Variants in CORO1C observed in about 807,000 individuals in gnomAD.
CORO1C encodes coronin 1C, also known as coronin-1C.
A neutral mutation model predicts 51.2 loss-of-function variants in CORO1C; 14 were observed. The ratio of observed to expected loss-of-function variants is 0.27; its 90% CI spans 0.18 to 0.43. The LOEUF (loss-of-function observed/expected upper bound fraction) is 0.43, where lower values mean the gene tolerates loss of function less well. CORO1C is among the 20% of genes least tolerant of loss of function. CORO1C has a pLI of 1.00. For missense variants in CORO1C, 417 were observed against 607.8 expected, an observed-to-expected ratio of 0.69 and a Z score of 3.30; for synonymous variants, 181 against 210.5, an observed-to-expected ratio of 0.86 and a Z score of 1.21.
chr12:108,683,418 C>CA (rs372937354), intron 2 of CORO1C, among the ~76,000 whole-genome samples: 14,039 of 84,152 alleles, frequency 0.17, 1,143 homozygotes, highest in African/African-American at 0.28. Context: ...GACTCTGTCT[C>CA]AAAAAAAAAA....
intron 3 of CORO1C, among the ~76,000 whole-genome samples, chr12:108,667,148 T>C (rs1369537342): frequency 6.6e-6 from 1 of 152,134 alleles, no homozygotes; most frequent in Non-Finnish European, 1.5e-5. Context: ...TATGACGCCA[T>C]ATATATTTCT....
At chr12:108,687,990 G>C (rs1942889662) in intron 2 of CORO1C, among the ~76,000 whole-genome samples, 2 of 149,776 alleles carry the variant, frequency 1.3e-5, no homozygotes, top group South Asian at 4.3e-4. Context: ...TGCAATCTCA[G>C]CTCACTGCAT....
At chr12:108,695,309 A>G (rs1056197261) in intron 2 of CORO1C, among the ~76,000 whole-genome samples, 1 of 152,290 alleles carries the variant, frequency 6.6e-6, no homozygotes, top group Non-Finnish European at 1.5e-5. Flanking sequence ...CAATTCCACC[A>G]TACCCTATGG....
intron 1 of CORO1C, among the ~76,000 whole-genome samples, chr12:108,712,569 T>TC (rs2035213707): frequency 3.1e-5 from 1 of 32,714 alleles, no homozygotes; most frequent in Admixed American, 4.9e-4. Context: ...CGAAACTGTC[T>TC]CAAAAAAAAA....
intron 2 of CORO1C, among the ~76,000 whole-genome samples, chr12:108,692,574 C>A (rs1054193466): frequency 2.6e-5 from 4 of 152,204 alleles, no homozygotes; most frequent in South Asian, 2.1e-4. Flanking sequence ...ATCAGCACGG[C>A]GCCTGGCACT....
intron 3 of CORO1C, among the ~76,000 whole-genome samples, chr12:108,663,356 T>C (rs975358751): frequency 6.6e-6 from 1 of 152,238 alleles, no homozygotes; most frequent in Non-Finnish European, 1.5e-5. Context: ...GGAAACTATG[T>C]GTCTATGCAA....
intron 10 of CORO1C, 74 bp downstream of exon 10, chr12:108,648,531 C>A: frequency 1.3e-6 from 2 of 1,597,044 alleles, no homozygotes; most frequent in Non-Finnish European, 1.7e-6. Flanking sequence ...CTCGCCGACG[C>A]CCTGGACCAC....
chr12:108,655,929 A>G (rs1424397293), intron 6 of CORO1C, among the ~76,000 whole-genome samples: 2 of 135,348 alleles, frequency 1.5e-5, no homozygotes, highest in African/African-American at 2.8e-5. Flanking sequence ...CCGTCTAGGA[A>G]GTGAGGAGCG....
At chr12:108,711,612 A>G (rs1052454218) in intron 1 of CORO1C, among the ~76,000 whole-genome samples, 1 of 151,522 alleles carries the variant, frequency 6.6e-6, no homozygotes, top group African/African-American at 2.4e-5. Context: ...CTCGGGAGGC[A>G]GAGGTTGCAG....
At chr12:108,667,773 G>T (rs773220496) in intron 3 of CORO1C, among the ~76,000 whole-genome samples, 3 of 152,066 alleles carry the variant, frequency 2.0e-5, no homozygotes, top group Admixed American at 1.3e-4. Flanking sequence ...ATCCCATTGT[G>T]GTTCTGGAAA....
In CORO1C at chr12:108,701,277, A is replaced by G. The variant is rs149698104; in HGVS notation, c.42T>C (p.Phe14=). The change falls in exon 2 of 11, where the codon TTT becomes TTC. Residue 14 remains phenylalanine (F), a synonymous_variant. Transcript: ENST00000261401. ...ACTGGTCATTTTTCACCGCTTGCCCAAATACATGCCGAAACTTGCTCTGTC... is the reference window on the plus strand; with the variant it reads ...ACTGGTCATTTTTCACCGCTTGCCCGAATACATGCCGAAACTTGCTCTGTC... ...VVRQSKFRHV[F]GQAVKNDQCY... 7.4e-5 allele frequency: 120 copies of G among 1,614,194 alleles called. No homozygotes were observed. Among genetic ancestry groups the G allele is most frequent in the Middle Eastern group, 3.3e-4 (2 of 6,062 alleles).
chr12:108,701,031 A>AAATAC, intron 2 of CORO1C, 93 bp downstream of exon 2: 1 of 1,386,730 alleles, frequency 7.2e-7, no homozygotes, highest in Non-Finnish European at 1.0e-6. Context: ...ATGGTTTCAC[A>AAATAC]AATACAATTC....
intron 3 of CORO1C, 43 bp downstream of exon 3, chr12:108,678,228 TG>T (rs1471057792): frequency 1.1e-5 from 17 of 1,578,532 alleles, no homozygotes; most frequent in Non-Finnish European, 1.4e-5. Flanking sequence ...AAGCAGTAGG[TG>T]AGTCTCACTG....
At chr12:108,696,290 G>C (rs557547761) in intron 2 of CORO1C, 1 of 152,148 alleles carries the variant, frequency 6.6e-6, no homozygotes, top group Non-Finnish European at 1.5e-5. Context: ...CATCTAGTTC[G>C]CATCCTCCAG....
At chr12:108,727,454 A>C (rs2035619989) in intron 1 of CORO1C, among the ~76,000 whole-genome samples, 1 of 152,210 alleles carries the variant, frequency 6.6e-6, no homozygotes, top group Admixed American at 6.5e-5. Context: ...TGGAAGGGGA[A>C]TAGTGAGAAA....
intron 1 of CORO1C, among the ~76,000 whole-genome samples, chr12:108,704,241 G>A (rs1171148246): frequency 2.0e-5 from 3 of 152,182 alleles, no homozygotes; most frequent in Non-Finnish European, 4.4e-5. Flanking sequence ...ACTTTGGGAA[G>A]CTGAGACGGA....
At chr12:108,724,104 C>T (rs117213531) in intron 1 of CORO1C, among the ~76,000 whole-genome samples, 1,730 of 152,258 alleles carry the variant, frequency 0.011, 16 homozygotes, top group Non-Finnish European at 0.018. Flanking sequence ...AAAACCTGGA[C>T]CAAACTTCAC....
Position 108,658,747 on chromosome 12 carries a change from C to A in CORO1C, c.621G>T (p.Glu207Asp). The A allele has an allele frequency of 6.2e-7, 1 of 1,608,388 alleles. No individual in the cohort carries two copies. The highest frequency in any genetic ancestry group is 8.5e-7 in the Non-Finnish European group (1 of 1,174,980). The change falls in exon 5 of 11, where the codon GAG becomes GAT. Residue 207 changes from glutamate (E) to aspartate (D), a missense_variant. Coordinates refer to ENST00000261401, the MANE Select transcript of CORO1C (RefSeq NM_014325.4). This position sits in a 1 kb window ranked among gnomAD's most constrained non-coding sequence, Gnocchi z 4.9. ...TCCTAGGAATACTCACAGCAACAATCTCTTGTTTCCTGGGATCAATGACTC... is the reference window on the plus strand; with the variant it reads ...TCCTAGGAATACTCACAGCAACAATATCTTGTTTCCTGGGATCAATGACTC... ...KVRVIDPRKQ[E>D]IVAEKEKAHE...
At chr12:108,673,890 A>T (rs936297501) in intron 3 of CORO1C, among the ~76,000 whole-genome samples, 1 of 150,670 alleles carries the variant, frequency 6.6e-6, no homozygotes, top group African/African-American at 2.4e-5. Context: ...ATAATAAAAT[A>T]AAAAATAAAT....
Sources: gnomAD v4.1 joint callset for allele counts (sites outside exome capture counted in the v4.1 genomes callset) on GRCh38, gnomAD v4.1.1 for gene constraint, Gnocchi (gnomAD v3.1) non-coding constraint, MANE v1.5 for transcripts, NCBI Gene and HGNC (gene_info 2026-07-23, HGNC 2026-07-21) for gene names.